The following DCAF8 variants were observed in gnomAD, a reference collection of about 807,000 sequenced individuals.
DCAF8 encodes DDB1- and CUL4-associated factor 8.
DCAF8 carries 20 observed loss-of-function variants against 68.0 expected under a neutral mutation model. The observed-to-expected ratio is 0.29, with a 90% confidence interval of 0.21 to 0.43. DCAF8 has a LOEUF of 0.43. Ranked by LOEUF, DCAF8 falls within the 20% of genes least tolerant of loss-of-function variation. DCAF8 has a pLI of 1.00. For missense variants in DCAF8, 460 were observed against 771.0 expected (o/e 0.60, Z 4.78); for synonymous variants, 230 against 276.9 (o/e 0.83, Z 1.68).
chr1:160,238,516 T>C (rs1655970690), intron 5 of DCAF8, 91 bp downstream of exon 5: 4 of 1,391,196 alleles, frequency 2.9e-6, no homozygotes, highest in Non-Finnish European at 3.8e-6. Flanking sequence ...CCACAACAAA[T>C]GTGACACAAT....
At chr1:160,225,161 AT>A in intron 8 of DCAF8, 42 bp from the exon 9 acceptor site, 1 of 1,550,140 alleles carries the variant, frequency 6.5e-7, no homozygotes, top group East Asian at 2.4e-5. Context: ...CCACCCCCCC[AT>A]TTGTTATACC....
At chr1:160,245,512 C>A (rs78571980) in intron 2 of DCAF8, among the ~76,000 whole-genome samples, 27 of 152,266 alleles carry the variant, frequency 1.8e-4, no homozygotes, top group Non-Finnish European at 3.7e-4. Flanking sequence ...TATCCTCTGT[C>A]AAAAGACAGT....
intron 2 of DCAF8, among the ~76,000 whole-genome samples, chr1:160,258,252 T>C (rs1049516972): frequency 6.6e-6 from 1 of 151,952 alleles, no homozygotes; most frequent in African/African-American, 2.4e-5. Context: ...GAGGCTGAGA[T>C]GGGAGAATCA....
chr1:160,258,962 A>G (rs560846481), intron 2 of DCAF8, among the ~76,000 whole-genome samples: 1 of 152,298 alleles, frequency 6.6e-6, no homozygotes, highest in Admixed American at 6.5e-5. Context: ...TCATAAAAAC[A>G]CAAATGATAC....
chr1:160,234,272 G>T (rs1345503919), intron 6 of DCAF8, among the ~76,000 whole-genome samples: 1 of 148,406 alleles, frequency 6.7e-6, no homozygotes. Flanking sequence ...TCTGACATAA[G>T]CAGATGTTCA....
rs1655140340 is a variant in DCAF8 at position 160,217,035 on chromosome 1, G to A, written c.*557C>T. 6.6e-6 allele frequency: 1 copy of A among 152,372 alleles called. No homozygotes were observed. The highest frequency in any genetic ancestry group is 2.4e-5 in the African/African-American group (1 of 41,406). The allele number at this position is 152,372 out of a possible 1,614,324, so 9.4% of individuals were successfully genotyped here. A position where few individuals can be genotyped will look rare whatever the true frequency, so the allele number is the denominator to read the frequency against. Reference sequence around the variant, plus strand: ...AGGTGGAAAGGAAAGTGAAGAGTGTGGGATGGTTAGGGGCTTTAAGGACTT... The same window carrying A: ...AGGTGGAAAGGAAAGTGAAGAGTGTAGGATGGTTAGGGGCTTTAAGGACTT... On this transcript the variant is annotated 3_prime_UTR_variant, in exon 14 of 14. Transcript: ENST00000368074.
chr1:160,251,851 C>T (rs548571241), intron 2 of DCAF8, among the ~76,000 whole-genome samples: 1 of 152,244 alleles, frequency 6.6e-6, no homozygotes, highest in African/African-American at 2.4e-5. Context: ...TTATATAAAG[C>T]ATGTTTATGG....
At chr1:160,262,125 A>G in intron 1 of DCAF8, 1 of 388,110 alleles carries the variant, frequency 2.6e-6, no homozygotes, top group East Asian at 3.7e-5. Flanking sequence ...ACCTGAGGAA[A>G]GGGCAACCAG....
chr1:160,262,155 G>A (rs1482270721), intron 1 of DCAF8: 1 of 394,694 alleles, frequency 2.5e-6, no homozygotes, highest in East Asian at 3.6e-5. Context: ...CGATGACTTC[G>A]GGTCGGCGGA....
At chr1:160,242,244 C>CAAAAAAAAAAA (rs200596217) in intron 3 of DCAF8, among the ~76,000 whole-genome samples, 1 of 63,782 alleles carries the variant, frequency 1.6e-5, no homozygotes, top group Non-Finnish European at 3.3e-5. Context: ...AACTCTGTCT[C>CAAAAAAAAAAA]AAAAAAAAAA....
chr1:160,225,705 G>A lies in DCAF8; in HGVS notation c.1071-42C>T, dbSNP rs79281090. On this transcript the variant is annotated intron_variant, in intron 7 of 13. Coordinates refer to ENST00000368074, the MANE Select transcript of DCAF8 (RefSeq NM_015726.4). ...AATGAAAATGTAAAAATGTACAAAC[G>A]AAACCCTTGAAGAGCTGCAATTTGA... 3.9e-4 allele frequency: 600 copies of A among 1,532,884 alleles called. 9 individuals carry two copies. The East Asian group carries it at 0.013, about 33-fold the overall frequency. 95.0% of individuals were successfully genotyped at this position (1,532,884 alleles called of 1,614,324 possible). A position where few individuals can be genotyped will look rare whatever the true frequency, so the allele number is the denominator to read the frequency against.
intron 6 of DCAF8, among the ~76,000 whole-genome samples, chr1:160,235,857 G>A (rs1557834104): frequency 1.3e-5 from 2 of 152,114 alleles, no homozygotes; most frequent in East Asian, 3.9e-4. Flanking sequence ...TCCTGCCTCA[G>A]CCTCCTGAGT....
chr1:160,215,924 A>G lies in DCAF8; in HGVS notation c.*1668T>C, dbSNP rs1400387483. On this transcript the variant is annotated 3_prime_UTR_variant, in exon 14 of 14. Coordinates refer to ENST00000368074, the MANE Select transcript of DCAF8 (RefSeq NM_015726.4). Reference sequence around the variant, plus strand: ...GCAGGAGGAAGAAGTATCTGGGAATACCATTCTCTCACTCTTTTCCCCTCC... The same window carrying G: ...GCAGGAGGAAGAAGTATCTGGGAATGCCATTCTCTCACTCTTTTCCCCTCC... The G allele has an allele frequency of 6.6e-6, 1 of 152,184 alleles. No individual in the cohort carries two copies. 9.4% of individuals were successfully genotyped at this position (152,184 alleles called of 1,614,324 possible).
intron 10 of DCAF8, 34 bp from the exon 11 acceptor site, chr1:160,222,815 G>GGGTT: frequency 1.2e-6 from 2 of 1,613,862 alleles, no homozygotes; most frequent in Non-Finnish European, 1.7e-6. Context: ...AACCACATGA[G>GGGTT]GGTTGGCATC....
intron 2 of DCAF8, among the ~76,000 whole-genome samples, chr1:160,255,735 T>A (rs1656810327): frequency 6.6e-6 from 1 of 152,160 alleles, no homozygotes; most frequent in South Asian, 2.1e-4. Flanking sequence ...TTCTCCCGCC[T>A]CAGCCTCCCA....
chr1:160,222,508 C>T (rs554220573), intron 11 of DCAF8, 143 bp downstream of exon 11: 13 of 1,144,644 alleles, frequency 1.1e-5, no homozygotes, highest in South Asian at 9.1e-5. Flanking sequence ...TCAGCACCTC[C>T]AGGCTAACTA....
At chr1:160,244,649 A>C (rs1656248951) in intron 2 of DCAF8, among the ~76,000 whole-genome samples, 1 of 150,792 alleles carries the variant, frequency 6.6e-6, no homozygotes, top group South Asian at 2.1e-4. Context: ...ACAGAGTCTC[A>C]TTCTGTCGCC....
At chr1:160,239,299 C>A (rs1003097583) in intron 4 of DCAF8, 8 of 1,154,290 alleles carry the variant, frequency 6.9e-6, no homozygotes, top group Non-Finnish European at 9.0e-6. Flanking sequence ...ATCCTCATAA[C>A]CCTATGTGTT....
intron 6 of DCAF8, among the ~76,000 whole-genome samples, chr1:160,236,354 ATATG>A (rs991971406): frequency 3.3e-5 from 5 of 151,478 alleles, no homozygotes; most frequent in African/African-American, 4.8e-5. Flanking sequence ...ATGTGTGTAC[ATATG>A]TGTGTATATA....
Sources: gnomAD v4.1 joint callset for allele counts (sites outside exome capture counted in the v4.1 genomes callset) on GRCh38, gnomAD v4.1.1 for gene constraint, MANE v1.5 for transcripts, NCBI Gene and HGNC (gene_info 2026-07-23, HGNC 2026-07-21) for gene names.